DCAF6: variants seen among roughly 807,000 people sequenced by gnomAD.
DCAF6 encodes DDB1 and CUL4 associated factor 6, also known as DDB1- and CUL4-associated factor 6.
In DCAF6, 54 loss-of-function variants were observed where a neutral mutation model predicts 125.1. The ratio of observed to expected loss-of-function variants is 0.43; its 90% CI spans 0.35 to 0.54. The LOEUF (loss-of-function observed/expected upper bound fraction) is 0.54, where lower values mean the gene tolerates loss of function less well. DCAF6 is among the 20% of genes least tolerant of loss of function. The probability of loss-of-function intolerance (pLI) is 0.01; values close to 1 mark genes in which losing one functional copy is unlikely to be tolerated. For synonymous variants in DCAF6, 371 were observed against 390.4 expected (o/e 0.95, Z 0.58); for missense variants, 934 against 1,161.7 (o/e 0.80, Z 2.85).
chr1:168,031,613 C>T (rs896124485), intron 12 of DCAF6, among the ~76,000 whole-genome samples: 3 of 152,102 alleles, frequency 2.0e-5, no homozygotes, highest in Admixed American at 6.5e-5. Context: ...AAACTGTCTA[C>T]CTCATTTGTT....
At chr1:167,920,136 A>C in the DCAF6 span, 1 of 1,214,264 alleles carries the variant, frequency 8.2e-7, no homozygotes, top group Non-Finnish European at 1.2e-6. Context: ...TACTGCTTCA[A>C]TAACTTCAGT....
intron 11 of DCAF6, among the ~76,000 whole-genome samples, chr1:168,022,373 G>T (rs551413731): frequency 6.6e-6 from 1 of 152,234 alleles, no homozygotes; most frequent in African/African-American, 2.4e-5. Flanking sequence ...TCCCTACCAG[G>T]TAACGCTAAA....
At chr1:167,905,140 T>A in the DCAF6 span, 1 of 1,614,226 alleles carries the variant, frequency 6.2e-7, no homozygotes, top group Middle Eastern at 1.6e-4. Flanking sequence ...GGAGTGTTCA[T>A]GTTCAAGACA....
intron 4 of DCAF6, among the ~76,000 whole-genome samples, chr1:167,985,213 T>TGTGGG (rs1679812052): frequency 7.1e-6 from 1 of 141,116 alleles, no homozygotes; most frequent in Non-Finnish European, 1.5e-5. Flanking sequence ...GTGTGTGTGG[T>TGTGGG]GTGTGTGTGT....
chr1:168,057,914 T>G (rs1484566489), intron 17 of DCAF6, among the ~76,000 whole-genome samples: 4 of 152,242 alleles, frequency 2.6e-5, no homozygotes, highest in South Asian at 2.1e-4. Context: ...TCGCTGTAAC[T>G]TAAATCTACC....
intron 1 of DCAF6, among the ~76,000 whole-genome samples, chr1:167,943,713 T>A (rs1385686240): frequency 6.6e-6 from 1 of 152,240 alleles, no homozygotes; most frequent in East Asian, 1.9e-4. Context: ...ACTCTGCATC[T>A]GTGTGAACAC....
the DCAF6 span, among the ~76,000 whole-genome samples, chr1:167,891,957 G>A: frequency 9.3e-5 from 14 of 151,194 alleles, no homozygotes; most frequent in African/African-American, 3.4e-4. Flanking sequence ...ATTAACCAAT[G>A]TGCTAATTTT....
At chr1:167,994,051 T>C (rs962314302) in intron 7 of DCAF6, among the ~76,000 whole-genome samples, 2 of 149,818 alleles carry the variant, frequency 1.3e-5, no homozygotes, top group Non-Finnish European at 3.0e-5. Flanking sequence ...ATGACAAAAA[T>C]AGTATTTTTG....
chr1:167,894,263 T>C, the DCAF6 span, among the ~76,000 whole-genome samples: 1 of 152,004 alleles, frequency 6.6e-6, no homozygotes, highest in Admixed American at 6.6e-5. Flanking sequence ...AACAAACAAA[T>C]GAGGGAATGA....
chr1:167,936,612 G>GTCGCCA, upstream of DCAF6: 1 of 359,804 alleles, frequency 2.8e-6, no homozygotes, highest in South Asian at 3.0e-5. Flanking sequence ...AGAGGGAGGA[G>GTCGCCA]TCGCCATCGC....
chr1:167,910,913 A>G, the DCAF6 span, among the ~76,000 whole-genome samples: 1 of 152,246 alleles, frequency 6.6e-6, no homozygotes, highest in Non-Finnish European at 1.5e-5. Context: ...AATTTTAAAT[A>G]AACAATTTTT....
chr1:168,060,028 A>G (rs1189390093), intron 17 of DCAF6, among the ~76,000 whole-genome samples: 1 of 152,182 alleles, frequency 6.6e-6, no homozygotes, highest in African/African-American at 2.4e-5. Context: ...TAACTTAAAG[A>G]CACTTTTTGT....
chr1:167,991,446 T>C, intron 6 of DCAF6, 107 bp downstream of exon 6: 2 of 1,119,344 alleles, frequency 1.8e-6, no homozygotes, highest in Admixed American at 6.5e-5. Context: ...TTTCAGAAAA[T>C]AGTATTTGTT....
At chr1:167,968,472 G>GGT (rs1676792246) in intron 3 of DCAF6, 1 of 152,274 alleles carries the variant, frequency 6.6e-6, no homozygotes, top group Non-Finnish European at 1.5e-5. Flanking sequence ...TCTGGAACTT[G>GGT]GTGGAACACC....
At chr1:167,985,438 C>G (rs1451232174) in intron 4 of DCAF6, among the ~76,000 whole-genome samples, 1 of 152,126 alleles carries the variant, frequency 6.6e-6, no homozygotes, top group African/African-American at 2.4e-5. Flanking sequence ...AACCCAGCAA[C>G]ATAGCATCTT....
At chr1:167,878,755 G>A in the DCAF6 span, 7 of 999,216 alleles carry the variant, frequency 7.0e-6, no homozygotes, top group Admixed American at 2.0e-5. Context: ...GTTCATGAGT[G>A]ACACAGAAGC....
In DCAF6 at chr1:168,044,451, G is replaced by A. The variant is rs1049984761; in HGVS notation, c.1844-134G>A. The A allele has an allele frequency of 9.0e-6, 6 of 666,284 alleles. No homozygotes were observed. In the Admixed American group the frequency reaches 1.5e-4, roughly 16 times the overall value. 41.3% of individuals were successfully genotyped at this position (666,284 alleles called of 1,614,324 possible). ...TAATTTACAGTATAAGGAAGGGTAT[G>A]CATAGGTTATATGCAAATATTATGC... is the stretch of plus-strand genomic sequence containing the variant. On this transcript the variant is annotated intron_variant, in intron 14 of 21. Transcript: ENST00000367840.
intron 4 of DCAF6, among the ~76,000 whole-genome samples, chr1:167,985,357 C>T (rs550956118): frequency 6.6e-6 from 1 of 152,258 alleles, no homozygotes; most frequent in Non-Finnish European, 1.5e-5. Flanking sequence ...TGTATTCCTT[C>T]TGGTCTTGCC....
chr1:167,911,568 C>T, the DCAF6 span, among the ~76,000 whole-genome samples: 1 of 152,182 alleles, frequency 6.6e-6, no homozygotes, highest in African/African-American at 2.4e-5. Flanking sequence ...CCGATCGGGA[C>T]AAATACAGAA....
Sources: allele counts gnomAD v4.1 joint callset (sites outside exome capture counted in the v4.1 genomes callset), GRCh38; gene constraint gnomAD v4.1.1; transcripts MANE v1.5; gene names NCBI Gene and HGNC (gene_info 2026-07-23, HGNC 2026-07-21).